C1orf87: variants seen among roughly 807,000 people sequenced by gnomAD.
C1orf87 encodes chromosome 1 open reading frame 87.
Under a neutral mutation model 60.5 loss-of-function variants are expected in C1orf87, and 58 were observed. The observed-to-expected ratio is 0.96, with a 90% CI of 0.78 to 1.19. C1orf87 has a LOEUF of 1.19. Among genes scored for constraint, C1orf87 ranks in the 50% most tolerant of loss-of-function variants. The pLI is 0.00. For missense variants in C1orf87, 673 were observed against 638.6 expected, an observed-to-expected ratio of 1.05 and a Z score of -0.58; for synonymous variants, 236 against 227.4, an observed-to-expected ratio of 1.04 and a Z score of -0.34.
intron 2 of C1orf87, among the ~76,000 whole-genome samples, chr1:60,062,864 A>T (rs1645506654): frequency 6.6e-6 from 1 of 152,198 alleles, no homozygotes; most frequent in African/African-American, 2.4e-5. Context: ...ACGGACACTT[A>T]TAAGTTTTCT....
At chr1:60,031,044 G>A (rs1172689222) in intron 7 of C1orf87, among the ~76,000 whole-genome samples, 1 of 152,040 alleles carries the variant, frequency 6.6e-6, no homozygotes, top group Non-Finnish European at 1.5e-5. Flanking sequence ...TCTTTCTGGA[G>A]AGAGAGTGCA....
intron 9 of C1orf87, among the ~76,000 whole-genome samples, chr1:60,007,629 A>G (rs1367607773): frequency 6.6e-6 from 1 of 152,054 alleles, no homozygotes; most frequent in Non-Finnish European, 1.5e-5. Context: ...ATTCCAAGTA[A>G]GAGTCTTCGA....
intron 7 of C1orf87, among the ~76,000 whole-genome samples, chr1:60,027,364 C>A (rs955644881): frequency 1.3e-5 from 2 of 152,206 alleles, no homozygotes; most frequent in African/African-American, 2.4e-5. Flanking sequence ...CCTGTTTACC[C>A]TGCTCTGCCC....
intron 8 of C1orf87, among the ~76,000 whole-genome samples, chr1:60,013,103 A>C (rs1172640185): frequency 1.3e-5 from 2 of 152,116 alleles, no homozygotes. Flanking sequence ...TTTTGTTGGA[A>C]TGATGTGAAT....
At chr1:60,037,190 A>C (rs186576625) in intron 6 of C1orf87, among the ~76,000 whole-genome samples, 2 of 152,302 alleles carry the variant, frequency 1.3e-5, no homozygotes, top group Non-Finnish European at 2.9e-5. Flanking sequence ...GATCCCTGCC[A>C]GCTCTAGGAG....
At chr1:60,060,669 T>TA (rs2100325472) in intron 2 of C1orf87, among the ~76,000 whole-genome samples, 1 of 152,228 alleles carries the variant, frequency 6.6e-6, no homozygotes, top group East Asian at 1.9e-4. Flanking sequence ...TCACAGTAAA[T>TA]ACAAATTTTA....
Position 60,040,106 on chromosome 1 carries a change from C to G in C1orf87, c.558G>C (p.Lys186Asn). 6.2e-7 allele frequency: 1 copy of G among 1,614,204 alleles called. No homozygotes were observed. The highest frequency in any genetic ancestry group is 8.5e-7 in the Non-Finnish European group (1 of 1,180,020). Reference sequence around the variant, plus strand: ...ATAAGTTGGAACTCAAAGGACGTGACTTGAGTTCTCTTCTGACCAGGGCAA... The same window carrying G: ...ATAAGTTGGAACTCAAAGGACGTGAGTTGAGTTCTCTTCTGACCAGGGCAA... ...FLLALVRREL[K>N]SRPLSSNLLE... The change falls in exon 5 of 12, where the codon AAG (lysine) becomes AAC (asparagine). Residue 186 changes from lysine (K) to asparagine (N), a missense_variant. Coordinates refer to ENST00000371201, the MANE Select transcript of C1orf87 (RefSeq NM_152377.3).
At chr1:60,030,509 G>C (rs991083211) in intron 7 of C1orf87, among the ~76,000 whole-genome samples, 1 of 152,188 alleles carries the variant, frequency 6.6e-6, no homozygotes, top group Non-Finnish European at 1.5e-5. Flanking sequence ...GAAGCTACAT[G>C]AAAATGAAGC....
chr1:60,040,755 A>AT (rs34709077), intron 4 of C1orf87, among the ~76,000 whole-genome samples: 17,597 of 132,082 alleles, frequency 0.13, 1,410 homozygotes, highest in Middle Eastern at 0.2. Context: ...ACTGTCTTTA[A>AT]TTTTTTTTTT....
chr1:60,048,186 C>T (rs1048602219), intron 3 of C1orf87, among the ~76,000 whole-genome samples: 2 of 152,122 alleles, frequency 1.3e-5, no homozygotes, highest in Non-Finnish European at 2.9e-5. Flanking sequence ...CAATCTCTCT[C>T]GGATCACTCA....
At chr1:60,012,097 C>A (rs1377760682) in intron 8 of C1orf87, among the ~76,000 whole-genome samples, 3 of 151,822 alleles carry the variant, frequency 2.0e-5, no homozygotes, top group Non-Finnish European at 4.4e-5. Flanking sequence ...CATCTCCTGT[C>A]TTCTACACTT....
At chr1:60,003,593 A>C (rs1645022974) in intron 9 of C1orf87, among the ~76,000 whole-genome samples, 1 of 152,108 alleles carries the variant, frequency 6.6e-6, no homozygotes, top group Non-Finnish European at 1.5e-5. Context: ...AAATTCACAT[A>C]TCAATTTAAA....
At position 60,006,217 on chromosome 1, in the gene C1orf87, C is replaced by T. The variant is rs79551918; in HGVS notation, c.1192+4175G>A. On this transcript the variant is annotated intron_variant, in intron 9 of 11. Coordinates refer to ENST00000371201, the MANE Select transcript of C1orf87 (RefSeq NM_152377.3). Reference sequence around the variant, plus strand: ...TACCATATAGAGCCTGAAGATGATGCCAACAGGAGGTAAGGCATATCAGAG... The same window carrying T: ...TACCATATAGAGCCTGAAGATGATGTCAACAGGAGGTAAGGCATATCAGAG... Among the ~76,000 whole-genome samples, 814 of 152,066 alleles carry T rather than the reference C, an allele frequency of 5.4e-3. 5 individuals carry two copies. Among genetic ancestry groups the T allele is most frequent in the African/African-American group, 0.018 (762 of 41,486 alleles).
At chr1:59,991,635 C>T (rs1399140109) in intron 11 of C1orf87, among the ~76,000 whole-genome samples, 1 of 152,192 alleles carries the variant, frequency 6.6e-6, no homozygotes, top group Non-Finnish European at 1.5e-5. Flanking sequence ...GTGACTCCCT[C>T]CAGCTTGCTG....
chr1:60,060,762 A>G (rs1645491178), intron 2 of C1orf87, among the ~76,000 whole-genome samples: 1 of 152,162 alleles, frequency 6.6e-6, no homozygotes, highest in Non-Finnish European at 1.5e-5. Context: ...CTTAATTGTG[A>G]TTAAAAAAAA....
At chr1:60,072,238 C>T (rs1018383374) in intron 2 of C1orf87, among the ~76,000 whole-genome samples, 2 of 152,050 alleles carry the variant, frequency 1.3e-5, no homozygotes, top group Admixed American at 6.5e-5. Flanking sequence ...ATTACAAGCC[C>T]GATGAGAAAA....
At chr1:60,019,832 T>G (rs1228592723) in intron 8 of C1orf87, among the ~76,000 whole-genome samples, 1 of 152,146 alleles carries the variant, frequency 6.6e-6, no homozygotes. Context: ...GCAGAAGAAA[T>G]TTCTAAGTAG....
At chr1:59,994,306 T>C (rs1384705729) in intron 11 of C1orf87, among the ~76,000 whole-genome samples, 1 of 152,058 alleles carries the variant, frequency 6.6e-6, no homozygotes, top group African/African-American at 2.4e-5. Flanking sequence ...GTGCTCTTTC[T>C]AGTATGTCAT....
intron 9 of C1orf87, among the ~76,000 whole-genome samples, chr1:60,007,658 T>C (rs1645056136): frequency 1.3e-5 from 2 of 152,028 alleles, no homozygotes; most frequent in South Asian, 4.1e-4. Context: ...TCTTTTGGAT[T>C]TTATCTAATC....
Sources: gnomAD v4.1 joint callset for allele counts (sites outside exome capture counted in the v4.1 genomes callset) on GRCh38, gnomAD v4.1.1 for gene constraint, MANE v1.5 for transcripts, NCBI Gene and HGNC (gene_info 2026-07-23, HGNC 2026-07-21) for gene names.